Variants in IL1RAPL1 observed in about 807,000 individuals in gnomAD.
IL1RAPL1 encodes the protein interleukin-1 receptor accessory protein-like 1.
A neutral mutation model predicts 48.4 loss-of-function variants in IL1RAPL1; 3 were observed. The ratio of observed to expected loss-of-function variants is 0.06; its 90% CI spans 0.03 to 0.16. The LOEUF is 0.16. IL1RAPL1 is among the 10% of genes least tolerant of loss of function. The probability of loss-of-function intolerance (pLI) is 1.00; values close to 1 mark genes in which losing one functional copy is unlikely to be tolerated. For missense variants in IL1RAPL1, 349 were observed against 530.6 expected (o/e 0.66, Z 3.36); for synonymous variants, 185 against 187.7 (o/e 0.99, Z 0.12).
chrX:29,731,345 C>T (rs1053651547), intron 6 of IL1RAPL1, among the ~76,000 whole-genome samples: 4 of 111,913 alleles, frequency 3.6e-5, no homozygotes, highest in Non-Finnish European at 7.5e-5. Flanking sequence ...GTGAGGAGAT[C>T]CAGCCAATGT....
intron 6 of IL1RAPL1, among the ~76,000 whole-genome samples, chrX:29,703,042 G>A (rs1927095630): frequency 8.9e-6 from 1 of 112,016 alleles, no homozygotes; most frequent in Middle Eastern, 4.6e-3. Flanking sequence ...TACCTTAAAT[G>A]AGTATCGGAG....
At chrX:29,503,189 T>C (rs1470995112) in intron 5 of IL1RAPL1, among the ~76,000 whole-genome samples, 1 of 111,883 alleles carries the variant, frequency 8.9e-6, no homozygotes, top group East Asian at 2.8e-4. Flanking sequence ...CTGTCTTTTT[T>C]TCTTAGTCTA....
At chrX:29,079,460 A>C (rs898723317) in intron 2 of IL1RAPL1, among the ~76,000 whole-genome samples, 1 of 110,507 alleles carries the variant, frequency 9.0e-6, no homozygotes, top group Non-Finnish European at 1.9e-5. Context: ...CATTGTTGTG[A>C]AATGCAAAGA....
intron 2 of IL1RAPL1, among the ~76,000 whole-genome samples, chrX:28,944,914 G>A (rs1924256677): frequency 9.1e-6 from 1 of 109,868 alleles, no homozygotes; most frequent in Admixed American, 9.7e-5. Flanking sequence ...ACATTTTCAC[G>A]AATCCTTATG....
At chrX:28,826,261 A>C (rs902818815) in intron 2 of IL1RAPL1, among the ~76,000 whole-genome samples, 2 of 111,628 alleles carry the variant, frequency 1.8e-5, no homozygotes. Context: ...AAACGAAATG[A>C]GTGTAAACCC....
At chrX:29,209,105 C>T (rs1203303123) in intron 2 of IL1RAPL1, among the ~76,000 whole-genome samples, 1 of 111,887 alleles carries the variant, frequency 8.9e-6, no homozygotes, top group Non-Finnish European at 1.9e-5. Context: ...TGTCTAGTTT[C>T]GTACTTTTGT....
chrX:29,896,984 AT>A (rs781257993), intron 6 of IL1RAPL1, among the ~76,000 whole-genome samples: 13 of 109,906 alleles, frequency 1.2e-4, no homozygotes, highest in African/African-American at 4.2e-4. Context: ...ATTCTGGTAA[AT>A]GTAGTTTGAC....
At chrX:29,864,745 A>C (rs1344522204) in intron 6 of IL1RAPL1, among the ~76,000 whole-genome samples, 1 of 112,032 alleles carries the variant, frequency 8.9e-6, no homozygotes, top group East Asian at 2.8e-4. Context: ...CTCATATGAA[A>C]TTTTCATGTA....
chrX:29,391,347 G>C (rs1277744432), intron 3 of IL1RAPL1, among the ~76,000 whole-genome samples: 1 of 111,561 alleles, frequency 9.0e-6, no homozygotes, highest in Non-Finnish European at 1.9e-5. Context: ...GTCATATATC[G>C]ATTACTTGTG....
chrX:29,310,123 AAAAAAAG>A (rs1267769080), intron 3 of IL1RAPL1, among the ~76,000 whole-genome samples: 10 of 89,372 alleles, frequency 1.1e-4, no homozygotes, highest in African/African-American at 2.9e-4. Flanking sequence ...AAAAAAAAAA[AAAAAAAG>A]AAAGGAAAAA....
At chrX:29,730,642 G>A (rs757721695) in intron 6 of IL1RAPL1, among the ~76,000 whole-genome samples, 4 of 112,117 alleles carry the variant, frequency 3.6e-5, no homozygotes, top group Non-Finnish European at 7.5e-5. Context: ...GAGAATTATA[G>A]TCTTCAGGGC....
At chrX:28,781,913 C>G (rs1028716127) in intron 1 of IL1RAPL1, among the ~76,000 whole-genome samples, 2 of 111,828 alleles carry the variant, frequency 1.8e-5, no homozygotes, top group Non-Finnish European at 3.8e-5. Context: ...ATTTAAATAA[C>G]TTTGATTACT....
intron 2 of IL1RAPL1, among the ~76,000 whole-genome samples, chrX:29,130,463 A>G (rs1289840500): frequency 8.9e-6 from 1 of 112,225 alleles, no homozygotes; most frequent in African/African-American, 3.2e-5. Flanking sequence ...AATAGCCAAA[A>G]TAGAGGTATT....
chrX:29,133,344 C>T (rs868497899), intron 2 of IL1RAPL1, among the ~76,000 whole-genome samples: 1 of 112,188 alleles, frequency 8.9e-6, no homozygotes, highest in South Asian at 3.7e-4. Context: ...AAAACTTGTA[C>T]ATAGTGTTGC....
At chrX:29,428,272 T>A (rs1245120617) in intron 5 of IL1RAPL1, among the ~76,000 whole-genome samples, 2 of 111,891 alleles carry the variant, frequency 1.8e-5, no homozygotes, top group Non-Finnish European at 3.8e-5. Context: ...CTCTAGTAAG[T>A]ATGTGGTTTA....
chrX:29,922,083 CAGTT>C (rs1424616226), intron 8 of IL1RAPL1, among the ~76,000 whole-genome samples: 5 of 109,847 alleles, frequency 4.6e-5, no homozygotes, highest in African/African-American at 1.7e-4. Flanking sequence ...GGAGGGGTGA[CAGTT>C]AAGTAGGAAT....
intron 2 of IL1RAPL1, among the ~76,000 whole-genome samples, chrX:29,195,270 T>C (rs5943611): frequency 0.14 from 15,475 of 110,991 alleles, 1,044 homozygotes; most frequent in Non-Finnish European, 0.2. Context: ...GAAGTAGAAA[T>C]TCTGTGTGTG....
At position 29,683,655 on chromosome X, in the gene IL1RAPL1, T is replaced by C. The variant is rs5972662; in HGVS notation, c.778+15151T>C. ...CCTGTTTTGCTCCTTTGTTGAGTTC[T>C]AATTGTGCACAACATGCAATACTCC... On this transcript the variant is annotated intron_variant, in intron 6 of 10. Coordinates refer to ENST00000378993, the MANE Select transcript of IL1RAPL1 (RefSeq NM_014271.4). 6.6e-3 allele frequency among the ~76,000 whole-genome samples: 744 copies of C among 112,357 alleles called. 7 individuals carry two copies. Among genetic ancestry groups the C allele is most frequent in the African/African-American group, 0.023 (715 of 30,951 alleles).
rs113222106 is a variant in IL1RAPL1, at chrX:29,137,258, TCACACACACACA to T, written c.83-145661_83-145650del. The stretch of plus-strand genomic sequence containing the variant: ...AAAAATTACACACACACACTTGCGC[TCACACACACACA>T]CACACACACACACACACAGTGGGAG... On this transcript the variant is annotated intron_variant, in intron 2 of 10. Transcript: ENST00000378993. Among the ~76,000 whole-genome samples, 40 of 100,369 alleles carry T rather than the reference TCACACACACACA, an allele frequency of 4.0e-4. No individual in the cohort carries two copies. The South Asian group carries it at 4.4e-3, about 11-fold the overall frequency. The allele number at this position is 100,369 out of a possible 115,157, so 87.2% of individuals were successfully genotyped here. A position where few individuals can be genotyped will look rare whatever the true frequency, so the allele number is the denominator to read the frequency against.
Sources: allele counts gnomAD v4.1 joint callset (sites outside exome capture counted in the v4.1 genomes callset), GRCh38; gene constraint gnomAD v4.1.1; transcripts MANE v1.5; gene names NCBI Gene and HGNC (gene_info 2026-07-23, HGNC 2026-07-21).